The following PLXDC2 variants were observed in gnomAD, a reference collection of about 807,000 sequenced individuals.
PLXDC2 encodes plexin domain containing 2, also known as plexin domain-containing protein 2.
A neutral mutation model predicts 68.9 loss-of-function variants in PLXDC2; 40 were observed. The ratio of observed to expected loss-of-function variants is 0.58; its 90% CI spans 0.45 to 0.76. The LOEUF (loss-of-function observed/expected upper bound fraction) is 0.76, where lower values mean the gene tolerates loss of function less well. PLXDC2 is among the 30% of genes least tolerant of loss of function. The pLI is 0.00. For missense variants in PLXDC2, 644 were observed against 661.9 expected, an observed-to-expected ratio of 0.97 and a Z score of 0.30; for synonymous variants, 243 against 234.2, an observed-to-expected ratio of 1.04 and a Z score of -0.34.
intron 1 of PLXDC2, among the ~76,000 whole-genome samples, chr10:19,912,279 G>A (rs1056008280): frequency 3.3e-5 from 5 of 151,984 alleles, no homozygotes; most frequent in African/African-American, 1.2e-4. Flanking sequence ...TTTATTCTTT[G>A]TCTATGAATG....
At chr10:20,136,222 A>C (rs755889481) in intron 4 of PLXDC2, among the ~76,000 whole-genome samples, 26 of 152,174 alleles carry the variant, frequency 1.7e-4, no homozygotes, top group Non-Finnish European at 2.9e-4. Flanking sequence ...TATTCAGAGG[A>C]AGTCTGTTAT....
chr10:19,830,567 CATT>C, intron 1 of PLXDC2, among the ~76,000 whole-genome samples: 2 of 152,274 alleles, frequency 1.3e-5, no homozygotes, highest in South Asian at 4.1e-4. Flanking sequence ...AGCACCCTCC[CATT>C]ATTTAGGAAT....
chr10:20,224,918 T>C (rs2131871631), intron 12 of PLXDC2, among the ~76,000 whole-genome samples: 1 of 152,326 alleles, frequency 6.6e-6, no homozygotes, highest in African/African-American at 2.4e-5. Context: ...TTCTTCTTAT[T>C]GCTGCGAAGT....
At chr10:19,934,383 T>C (rs1833689919) in intron 1 of PLXDC2, among the ~76,000 whole-genome samples, 1 of 152,196 alleles carries the variant, frequency 6.6e-6, no homozygotes, top group African/African-American at 2.4e-5. Context: ...TAAAACAAGA[T>C]CTTGGTACTT....
chr10:20,230,744 C>A (rs1835353776), intron 12 of PLXDC2, among the ~76,000 whole-genome samples: 5 of 124,654 alleles, frequency 4.0e-5, no homozygotes, highest in South Asian at 2.7e-4. Flanking sequence ...CATTAGGAAC[C>A]ATTATAATTT....
chr10:20,222,863 G>A (rs572154718), intron 12 of PLXDC2, among the ~76,000 whole-genome samples: 3 of 152,088 alleles, frequency 2.0e-5, no homozygotes, highest in African/African-American at 7.2e-5. Flanking sequence ...AAGATCTTAT[G>A]TAAAGACATC....
Position 20,284,439 on chromosome 10 carries a change from G to GTGTGTGTA in PLXDC2, c.*4621_*4622insGTGTGTAT, listed in dbSNP as rs1836125346. 1 of 149,540 alleles carries GTGTGTGTA rather than the reference G, an allele frequency of 6.7e-6. No homozygotes were observed. Among genetic ancestry groups the GTGTGTGTA allele is most frequent in the East Asian group, 2.0e-4 (1 of 5,076 alleles). The allele number at this position is 149,540 out of a possible 1,614,324, so 9.3% of individuals were successfully genotyped here. ...TGTGTGTGTGTGTGTGTGTGTGTGT[G>GTGTGTGTA]TTAGCCAAGTGTGGTTTCTCATGCC... is the stretch of plus-strand genomic sequence containing the variant. On this transcript the variant is annotated 3_prime_UTR_variant, in exon 14 of 14. Transcript: ENST00000377252.
chr10:19,869,487 T>A (rs61842781), intron 1 of PLXDC2, among the ~76,000 whole-genome samples: 3,623 of 26,254 alleles, frequency 0.14, 143 homozygotes, highest in Middle Eastern at 0.35. Flanking sequence ...GGGGAGAGGG[T>A]GGGAGGGAGG....
intron 3 of PLXDC2, among the ~76,000 whole-genome samples, chr10:20,059,118 C>T (rs10740962): frequency 0.77 from 117,726 of 152,082 alleles, 45,888 homozygotes; most frequent in East Asian, 0.9. Flanking sequence ...ATTTGCACCT[C>T]GAGGTTTGAG....
intron 1 of PLXDC2, among the ~76,000 whole-genome samples, chr10:19,909,877 A>AGT (rs1833234088): frequency 6.6e-6 from 1 of 152,136 alleles, no homozygotes; most frequent in Non-Finnish European, 1.5e-5. Flanking sequence ...CTATAAAATG[A>AGT]GTGTATGTTC....
At chr10:19,924,971 G>A (rs187376317) in intron 1 of PLXDC2, among the ~76,000 whole-genome samples, 59 of 152,186 alleles carry the variant, frequency 3.9e-4, no homozygotes, top group Admixed American at 2.8e-3. Flanking sequence ...ATTTCTTATC[G>A]GTTACCTCGC....
intron 1 of PLXDC2, among the ~76,000 whole-genome samples, chr10:19,983,938 T>A (rs1367931108): frequency 6.6e-6 from 1 of 152,138 alleles, no homozygotes. Context: ...ACTCCAATAA[T>A]TAATCCTGAT....
At chr10:20,151,719 T>C (rs960705287) in intron 6 of PLXDC2, among the ~76,000 whole-genome samples, 4 of 152,174 alleles carry the variant, frequency 2.6e-5, no homozygotes, top group African/African-American at 9.6e-5. Context: ...GAGGTATTCC[T>C]ACTTCATTTG....
At chr10:20,183,134 A>G (rs1336599536) in intron 9 of PLXDC2, among the ~76,000 whole-genome samples, 1 of 151,992 alleles carries the variant, frequency 6.6e-6, no homozygotes, top group Non-Finnish European at 1.5e-5. Context: ...TTGCTTTGGG[A>G]CAAGATAAGT....
At chr10:20,041,117 A>G (rs1312199241) in intron 2 of PLXDC2, among the ~76,000 whole-genome samples, 2 of 152,190 alleles carry the variant, frequency 1.3e-5, no homozygotes, top group African/African-American at 4.8e-5. Flanking sequence ...CCCATAGATA[A>G]CCACATGCTG....
At chr10:20,165,686 G>A (rs1329103800) in intron 7 of PLXDC2, among the ~76,000 whole-genome samples, 1 of 152,142 alleles carries the variant, frequency 6.6e-6, no homozygotes, top group Admixed American at 6.5e-5. Flanking sequence ...ATAAAAATCC[G>A]GGGGCAGCTC....
chr10:20,150,787 T>C (rs1298726435), intron 6 of PLXDC2, among the ~76,000 whole-genome samples: 1 of 152,202 alleles, frequency 6.6e-6, no homozygotes, highest in African/African-American at 2.4e-5. Context: ...TTCTTTACGC[T>C]GTTCTCAAAG....
intron 4 of PLXDC2, among the ~76,000 whole-genome samples, chr10:20,139,546 C>T (rs1026582974): frequency 1.9e-4 from 29 of 152,152 alleles, no homozygotes; most frequent in African/African-American, 6.8e-4. Flanking sequence ...TATAAAGACA[C>T]GTGCACACAT....
chr10:20,248,021 G>A (rs1005303142), intron 13 of PLXDC2, among the ~76,000 whole-genome samples: 1 of 152,204 alleles, frequency 6.6e-6, no homozygotes, highest in African/African-American at 2.4e-5. Context: ...GAGCTGCTGA[G>A]TGACAAGCTA....
Sources: gnomAD v4.1 joint callset for allele counts (sites outside exome capture counted in the v4.1 genomes callset) on GRCh38, gnomAD v4.1.1 for gene constraint, MANE v1.5 for transcripts, NCBI Gene and HGNC (gene_info 2026-07-23, HGNC 2026-07-21) for gene names.